The following MAGI2 variants were observed in gnomAD, a reference collection of about 807,000 sequenced individuals.
The protein encoded by MAGI2 is membrane-associated guanylate kinase, WW and PDZ domain-containing protein 2.
In MAGI2, 35 loss-of-function variants were observed where a neutral mutation model predicts 133.3. That is an observed-to-expected ratio of 0.26 (90% CI 0.20 to 0.35). MAGI2 has a LOEUF of 0.35. MAGI2 is among the 10% of genes least tolerant of loss of function. The pLI is 1.00. For synonymous variants in MAGI2, 729 were observed against 710.6 expected (o/e 1.03, Z -0.41); for missense variants, 1,636 against 1,863.4 (o/e 0.88, Z 2.25).
At chr7:79,263,671 T>C (rs1834232443) in intron 1 of MAGI2, among the ~76,000 whole-genome samples, 1 of 152,138 alleles carries the variant, frequency 6.6e-6, no homozygotes, top group Non-Finnish European at 1.5e-5. Context: ...TGATTTAAGG[T>C]CTCTGAGGTA....
chr7:78,045,019 T>G (rs1360816113), intron 21 of MAGI2, among the ~76,000 whole-genome samples: 2 of 151,964 alleles, frequency 1.3e-5, no homozygotes, highest in Non-Finnish European at 2.9e-5. Context: ...ATACAAAAAT[T>G]AGTCGGGCGT....
At chr7:79,135,983 G>T (rs957659955) in intron 1 of MAGI2, among the ~76,000 whole-genome samples, 7 of 35,114 alleles carry the variant, frequency 2.0e-4, no homozygotes, top group Non-Finnish European at 4.8e-4. Flanking sequence ...AAGAAAGAAA[G>T]AAAGAAAGAA....
intron 6 of MAGI2, among the ~76,000 whole-genome samples, chr7:78,374,774 G>T (rs916945374): frequency 6.6e-6 from 1 of 151,906 alleles, no homozygotes; most frequent in African/African-American, 2.4e-5. Flanking sequence ...GATTCATTTT[G>T]ATAGAACTGA....
At chr7:78,511,186 C>A (rs1247917745) in intron 4 of MAGI2, among the ~76,000 whole-genome samples, 1 of 151,880 alleles carries the variant, frequency 6.6e-6, no homozygotes, top group Non-Finnish European at 1.5e-5. Context: ...GATATTTGGA[C>A]AAAAGAAAAA....
chr7:78,537,696 T>C (rs1798071760), intron 3 of MAGI2, among the ~76,000 whole-genome samples: 1 of 152,166 alleles, frequency 6.6e-6, no homozygotes, highest in Non-Finnish European at 1.5e-5. Context: ...TTATTTGTTT[T>C]TTTCTTGCTG....
intron 5 of MAGI2, among the ~76,000 whole-genome samples, chr7:78,497,772 C>CTGTCTGTCTGTCTGTCTAT (rs1794258768): frequency 6.6e-6 from 1 of 151,590 alleles, no homozygotes; most frequent in African/African-American, 2.4e-5. Context: ...ATCTTTCTAT[C>CTGTCTGTCTGTCTGTCTAT]TTATACACAG....
intron 3 of MAGI2, among the ~76,000 whole-genome samples, chr7:78,548,156 C>T (rs914140322): frequency 2.6e-5 from 4 of 152,216 alleles, no homozygotes; most frequent in African/African-American, 7.2e-5. Context: ...TACAGTTATG[C>T]CTGCATTCCC....
At chr7:78,172,491 C>A (rs1301695400) in intron 14 of MAGI2, among the ~76,000 whole-genome samples, 1 of 152,240 alleles carries the variant, frequency 6.6e-6, no homozygotes, top group African/African-American at 2.4e-5. Context: ...CAGCTCACAG[C>A]TGGAAATCCC....
chr7:79,052,470 A>G lies in MAGI2; in HGVS notation c.302-45264T>C, dbSNP rs566495104. 3.3e-5 allele frequency among the ~76,000 whole-genome samples: 5 copies of G among 152,320 alleles called. No individual in the cohort carries two copies. In the East Asian group the frequency reaches 9.7e-4, roughly 29 times the overall value. ...CGCACACCCATGAGGCTGTCCCTGC[A>G]GAAGGCTTTCCCACTCTTCCCAAGA... On this transcript the variant is annotated intron_variant, in intron 1 of 21. Transcript: ENST00000354212.
At chr7:78,607,576 TG>T (rs1407813962) in intron 3 of MAGI2, among the ~76,000 whole-genome samples, 1 of 151,940 alleles carries the variant, frequency 6.6e-6, no homozygotes, top group Non-Finnish European at 1.5e-5. Flanking sequence ...AACTAAATAA[TG>T]GGAAAAGATC....
chr7:78,913,157 T>C (rs889015008), intron 2 of MAGI2, among the ~76,000 whole-genome samples: 2 of 152,032 alleles, frequency 1.3e-5, no homozygotes, highest in African/African-American at 2.4e-5. Context: ...AGAAGAAAAT[T>C]GATATGGTTT....
chr7:78,531,211 T>G lies in MAGI2; in HGVS notation c.539-9566A>C, dbSNP rs572079484. On this transcript the variant is annotated intron_variant, in intron 3 of 21. Transcript: ENST00000354212. ...ATTGTGTTATTAATGTAATTATTAA[T>G]TAAGTTTTTTTTTTTTTTTTTGAGA... Among the ~76,000 whole-genome samples, 43 of 149,456 alleles carry G rather than the reference T, an allele frequency of 2.9e-4. No homozygotes were observed. The South Asian group carries it at 7.8e-3, about 27-fold the overall frequency.
chr7:78,903,089 CA>C (rs1797725064), intron 2 of MAGI2, among the ~76,000 whole-genome samples: 1 of 142,968 alleles, frequency 7.0e-6, no homozygotes, highest in African/African-American at 2.6e-5. Context: ...ATAGCTTTTG[CA>C]AAATTTTCTA....
intron 1 of MAGI2, among the ~76,000 whole-genome samples, chr7:79,266,553 A>G (rs1834473174): frequency 6.6e-6 from 1 of 152,052 alleles, no homozygotes; most frequent in African/African-American, 2.4e-5. Flanking sequence ...AAAATAGGCA[A>G]CTGCCCAGGT....
chr7:79,349,587 T>C (rs193155580), intron 1 of MAGI2, among the ~76,000 whole-genome samples: 1 of 151,870 alleles, frequency 6.6e-6, no homozygotes, highest in East Asian at 1.9e-4. Context: ...TCTAGAGAGG[T>C]TGAGTAATTT....
intron 1 of MAGI2, among the ~76,000 whole-genome samples, chr7:79,211,100 T>C (rs1165020301): frequency 3.3e-5 from 5 of 152,094 alleles, no homozygotes; most frequent in Non-Finnish European, 7.3e-5. Context: ...TTATTCATGA[T>C]ATGTGAAGTG....
chr7:78,067,793 T>G (rs1273622715), intron 21 of MAGI2, among the ~76,000 whole-genome samples: 7 of 152,198 alleles, frequency 4.6e-5, no homozygotes, highest in African/African-American at 1.4e-4. Flanking sequence ...GGAGTTCTTA[T>G]CAGAACAGGA....
chr7:79,087,017 T>G (rs1279759838), intron 1 of MAGI2, among the ~76,000 whole-genome samples: 1 of 151,744 alleles, frequency 6.6e-6, no homozygotes, highest in African/African-American at 2.4e-5. Flanking sequence ...TAAAGAAAAT[T>G]AATCAGATAT....
chr7:78,805,012 G>A (rs1244882254), intron 2 of MAGI2, among the ~76,000 whole-genome samples: 4 of 150,682 alleles, frequency 2.7e-5, no homozygotes, highest in Admixed American at 6.6e-5. Flanking sequence ...AGGTTGCAGC[G>A]AGCCAAGATC....
Sources: gnomAD v4.1 joint callset for allele counts (sites outside exome capture counted in the v4.1 genomes callset) on GRCh38, gnomAD v4.1.1 for gene constraint, MANE v1.5 for transcripts, NCBI Gene and HGNC (gene_info 2026-07-23, HGNC 2026-07-21) for gene names.